The following BLTP3B variants were observed in gnomAD, a reference collection of about 807,000 sequenced individuals.
BLTP3B encodes the protein UHRF1 (ICBP90) binding protein 1-like.
chr12:100,105,436 G>A, the BLTP3B span, among the ~76,000 whole-genome samples: 23 of 152,114 alleles, frequency 1.5e-4, no homozygotes, highest in African/African-American at 4.1e-4. Context: ...AACACAAACT[G>A]GAGAAAGGAC....
chr12:100,081,589 C>A, the BLTP3B span, among the ~76,000 whole-genome samples: 2 of 152,142 alleles, frequency 1.3e-5, no homozygotes, highest in Non-Finnish European at 2.9e-5. Flanking sequence ...TCAAGTAAGA[C>A]CCCATGTCTT....
the BLTP3B span, among the ~76,000 whole-genome samples, chr12:100,119,884 C>T: frequency 2.6e-5 from 4 of 152,004 alleles, no homozygotes; most frequent in South Asian, 2.1e-4. Context: ...GTAGATTTAA[C>T]GCAACAAAAA....
the BLTP3B span, among the ~76,000 whole-genome samples, chr12:100,112,659 G>GAAAAA: frequency 6.6e-6 from 1 of 151,504 alleles, no homozygotes; most frequent in African/African-American, 2.4e-5. Context: ...ACATTTAAGG[G>GAAAAA]CAAAACAAAA....
At chr12:100,039,812 C>A in the BLTP3B span, 2 of 1,580,392 alleles carry the variant, frequency 1.3e-6, no homozygotes, top group East Asian at 2.3e-5. Context: ...ATAACATGCT[C>A]AGATAACATT....
the BLTP3B span, among the ~76,000 whole-genome samples, chr12:100,098,959 T>C: frequency 1.6e-4 from 23 of 143,682 alleles, no homozygotes; most frequent in Non-Finnish European, 3.2e-4. Context: ...GATACATAGA[T>C]ACATAGATAC....
chr12:100,046,925 G>A, the BLTP3B span, among the ~76,000 whole-genome samples: 1 of 152,116 alleles, frequency 6.6e-6, no homozygotes, highest in Non-Finnish European at 1.5e-5. Context: ...CTAAGAAAGA[G>A]ATCAACTGAG....
the BLTP3B span, among the ~76,000 whole-genome samples, chr12:100,075,254 C>T: frequency 6.6e-6 from 1 of 152,082 alleles, no homozygotes; most frequent in African/African-American, 2.4e-5. Context: ...TCGTGATCCG[C>T]CCACCTCGGC....
chr12:100,111,855 C>T, the BLTP3B span, among the ~76,000 whole-genome samples: 2 of 152,144 alleles, frequency 1.3e-5, no homozygotes, highest in East Asian at 1.9e-4. Context: ...CCATCCACCT[C>T]GGCCTCCCAA....
chr12:100,051,416 AAACT>A, the BLTP3B span: 18 of 458,446 alleles, frequency 3.9e-5, 1 homozygote, highest in African/African-American at 2.4e-4. Context: ...AATATTTCTC[AAACT>A]ATCTGTGGTA....
the BLTP3B span, among the ~76,000 whole-genome samples, chr12:100,055,544 G>C: frequency 6.6e-6 from 1 of 151,890 alleles, no homozygotes; most frequent in African/African-American, 2.4e-5. Context: ...AGGCGTGGTG[G>C]TGGGTGCCTG....
the BLTP3B span, chr12:100,102,904 T>A: frequency 8.9e-7 from 1 of 1,126,182 alleles, no homozygotes; most frequent in Non-Finnish European, 1.2e-6. Context: ...TTATTCTACG[T>A]ATATTATTAA....
chr12:100,051,881 A>C, the BLTP3B span: 1 of 152,172 alleles, frequency 6.6e-6, no homozygotes, highest in Non-Finnish European at 1.5e-5. Context: ...TCCCATCTCT[A>C]CCAAAAATAC....
chr12:100,110,876 G>A, the BLTP3B span, among the ~76,000 whole-genome samples: 29 of 152,142 alleles, frequency 1.9e-4, no homozygotes, highest in Non-Finnish European at 3.7e-4. Flanking sequence ...ACTAATCTGA[G>A]TAACTCAAAC....
the BLTP3B span, among the ~76,000 whole-genome samples, chr12:100,132,919 G>A: frequency 2.6e-5 from 4 of 151,988 alleles, no homozygotes; most frequent in African/African-American, 7.3e-5. Context: ...CTATTCTCCA[G>A]CCTGAGCAAC....
At chr12:100,134,191 A>G in the BLTP3B span, among the ~76,000 whole-genome samples, 8,685 of 152,256 alleles carry the variant, frequency 0.057, 793 homozygotes, top group African/African-American at 0.2. Context: ...TTCGCTTCCC[A>G]GTAATTGTTT....
the BLTP3B span, among the ~76,000 whole-genome samples, chr12:100,044,325 T>C: frequency 7.2e-5 from 11 of 152,326 alleles, no homozygotes; most frequent in African/African-American, 2.6e-4. Context: ...TGTTCCTATA[T>C]CTGAAATTGT....
the BLTP3B span, chr12:100,058,811 G>T: frequency 6.2e-7 from 1 of 1,613,942 alleles, no homozygotes; most frequent in African/African-American, 1.3e-5. Flanking sequence ...GCAGATACTG[G>T]TAGTGATTAA....
At chr12:100,142,791 G>T in the BLTP3B span, 1 of 1,122,862 alleles carries the variant, frequency 8.9e-7, no homozygotes, top group Non-Finnish European at 1.2e-6. Flanking sequence ...GGCCACAGCC[G>T]CCGCCGAGAA....
chr12:100,104,037 T>G, the BLTP3B span: 1 of 926,206 alleles, frequency 1.1e-6, no homozygotes, highest in Non-Finnish European at 1.6e-6. Context: ...TATATTAATA[T>G]AGGACAGACA....
Sources: gnomAD v4.1 joint callset for allele counts (sites outside exome capture counted in the v4.1 genomes callset) on GRCh38, gnomAD v4.1.1 for gene constraint, MANE v1.5 for transcripts, NCBI Gene and HGNC (gene_info 2026-07-23, HGNC 2026-07-21) for gene names.